Variants in SCUBE1 observed in about 807,000 individuals in gnomAD.
SCUBE1 encodes the protein signal peptide, CUB domain and EGF like domain containing 1.
A neutral mutation model predicts 124.4 loss-of-function variants in SCUBE1; 59 were observed. The ratio of observed to expected loss-of-function variants is 0.47; its 90% CI spans 0.38 to 0.59. SCUBE1 has a LOEUF of 0.59. Ranked by LOEUF, SCUBE1 falls within the 20% of genes least tolerant of loss-of-function variation. The pLI is 0.00. For missense variants in SCUBE1, 1,150 were observed against 1,371.2 expected (o/e 0.84, Z 2.55); for synonymous variants, 545 against 550.9 (o/e 0.99, Z 0.15).
intron 3 of SCUBE1, among the ~76,000 whole-genome samples, chr22:43,301,895 C>T (rs1019607322): frequency 1.2e-4 from 19 of 152,232 alleles, no homozygotes; most frequent in Non-Finnish European, 1.9e-4. Flanking sequence ...GGCTAAAGGC[C>T]GTCCCACCAA....
chr22:43,278,527 G>T (rs1356905843), intron 4 of SCUBE1, among the ~76,000 whole-genome samples: 2 of 152,176 alleles, frequency 1.3e-5, no homozygotes, highest in African/African-American at 2.4e-5. Flanking sequence ...TCAAGGCCTG[G>T]CCCAGATCCT....
intron 6 of SCUBE1, among the ~76,000 whole-genome samples, chr22:43,257,660 C>T (rs1285281137): frequency 6.6e-6 from 1 of 152,160 alleles, no homozygotes; most frequent in African/African-American, 2.4e-5. Context: ...AGTGAAAACA[C>T]CACACCCACG....
At chr22:43,260,802 C>T (rs776128679) in intron 5 of SCUBE1, among the ~76,000 whole-genome samples, 7 of 152,270 alleles carry the variant, frequency 4.6e-5, no homozygotes, top group Non-Finnish European at 7.4e-5. Context: ...CCTTCCCTGG[C>T]GGGGGCAGCT....
chr22:43,300,633 C>T (rs1484845603), intron 3 of SCUBE1, among the ~76,000 whole-genome samples: 1 of 152,052 alleles, frequency 6.6e-6, no homozygotes, highest in African/African-American at 2.4e-5. Flanking sequence ...GATACTAGAC[C>T]CTTACCAGAT....
At chr22:43,204,696 G>A (rs1294122607) in intron 21 of SCUBE1, among the ~76,000 whole-genome samples, 2 of 152,040 alleles carry the variant, frequency 1.3e-5, no homozygotes, top group African/African-American at 2.4e-5. Context: ...TGTAATCCCA[G>A]CACTTTGGGA....
intron 6 of SCUBE1, among the ~76,000 whole-genome samples, chr22:43,253,359 C>T (rs1923531224): frequency 6.6e-6 from 1 of 152,200 alleles, no homozygotes; most frequent in African/African-American, 2.4e-5. Flanking sequence ...TCTCAGAAGC[C>T]CGGGTCTGGT....
chr22:43,257,346 A>G (rs934195624), intron 6 of SCUBE1, among the ~76,000 whole-genome samples: 1 of 152,226 alleles, frequency 6.6e-6, no homozygotes, highest in Non-Finnish European at 1.5e-5. Context: ...TTGGGTTTCT[A>G]AAGTTTGCCT....
intron 4 of SCUBE1, among the ~76,000 whole-genome samples, chr22:43,289,249 A>G (rs898453937): frequency 6.6e-6 from 1 of 152,220 alleles, no homozygotes; most frequent in African/African-American, 2.4e-5. Context: ...TGTCCCCATC[A>G]ATCTGCTTCT....
At chr22:43,227,146 C>T (rs1034957190) in intron 10 of SCUBE1, among the ~76,000 whole-genome samples, 20 of 152,226 alleles carry the variant, frequency 1.3e-4, no homozygotes, top group African/African-American at 4.6e-4. Context: ...GTCCCTGTTG[C>T]AGTGCCTCTG....
At position 43,343,211 on chromosome 22, in the gene SCUBE1, G is replaced by A; in HGVS notation, c.51C>T (p.Gly17=). 1 of 1,214,494 alleles carries A rather than the reference G, an allele frequency of 8.2e-7. No individual in the cohort carries two copies. Among genetic ancestry groups the A allele is most frequent in the African/African-American group, 1.6e-5 (1 of 62,294 alleles). 75.2% of individuals were successfully genotyped at this position (1,214,494 alleles called of 1,614,324 possible). A position where few individuals can be genotyped will look rare whatever the true frequency, so the allele number is the denominator to read the frequency against. ...RWHLCVLLAL[G]TRGRLAGGSG... is the part of the protein sequence containing the mutation. ...TGCCCCCGGCCAGCCGCCCGCGTGTGCCCAGGGCCAGCAGCACGCACAAGT... is the reference window on the plus strand; with the variant it reads ...TGCCCCCGGCCAGCCGCCCGCGTGTACCCAGGGCCAGCAGCACGCACAAGT... The change falls in exon 1 of 22, where the codon GGC becomes GGT. Residue 17 remains glycine (G), a synonymous_variant. Transcript: ENST00000360835.
intron 2 of SCUBE1, among the ~76,000 whole-genome samples, chr22:43,322,928 GGT>G (rs761588749): frequency 7.2e-5 from 11 of 152,308 alleles, no homozygotes; most frequent in Non-Finnish European, 1.0e-4. Context: ...TTTGGAAGTA[GGT>G]GTTTTAACTT....
chr22:43,223,300 T>C, intron 10 of SCUBE1, 84 bp from the exon 11 acceptor site: 3 of 1,442,332 alleles, frequency 2.1e-6, no homozygotes, highest in Non-Finnish European at 2.8e-6. Flanking sequence ...TATGGCCTAA[T>C]GGGGACTCCC....
intron 7 of SCUBE1, chr22:43,238,322 A>C: frequency 1.1e-5 from 2 of 188,870 alleles, no homozygotes; most frequent in Admixed American, 5.9e-5. Context: ...GGATCCCCCT[A>C]GCCTCGCCCC....
At chr22:43,289,756 C>A (rs533540344) in intron 4 of SCUBE1, among the ~76,000 whole-genome samples, 8 of 152,308 alleles carry the variant, frequency 5.3e-5, no homozygotes, top group African/African-American at 1.9e-4. Flanking sequence ...GGCGAGGAAT[C>A]TGGGGAGCAG....
intron 7 of SCUBE1, among the ~76,000 whole-genome samples, chr22:43,236,491 T>C (rs1218844161): frequency 6.6e-6 from 1 of 152,238 alleles, no homozygotes; most frequent in Non-Finnish European, 1.5e-5. Context: ...GTGGCCAGTG[T>C]CAGTTCAAAA....
chr22:43,246,941 G>A (rs1923239407), intron 6 of SCUBE1, among the ~76,000 whole-genome samples: 1 of 149,742 alleles, frequency 6.7e-6, no homozygotes, highest in Admixed American at 6.6e-5. Context: ...TCCCTCTCCA[G>A]AGCTTCAGCC....
Position 43,222,758 on chromosome 22 carries a change from T to G in SCUBE1, c.1328-16A>C. 1 of 1,569,942 alleles carries G rather than the reference T, an allele frequency of 6.4e-7. No homozygotes were observed. The highest frequency in any genetic ancestry group is 8.7e-7 in the Non-Finnish European group (1 of 1,152,656). Reference sequence around the variant, plus strand: ...TTTTCCGAGTCTGCAGAGAAGCCGGTGGGTGAGGTGGGCCTGGTGCTCCTC... The same window carrying G: ...TTTTCCGAGTCTGCAGAGAAGCCGGGGGGTGAGGTGGGCCTGGTGCTCCTC... On this transcript the variant is annotated splice_polypyrimidine_tract_variant and intron_variant, in intron 11 of 21. Transcript: ENST00000360835.
chr22:43,287,564 C>T (rs1925193973), intron 4 of SCUBE1, among the ~76,000 whole-genome samples: 1 of 152,194 alleles, frequency 6.6e-6, no homozygotes, highest in Admixed American at 6.5e-5. Context: ...GTTTCTCAGC[C>T]AGGAGTCTGG....
intron 2 of SCUBE1, among the ~76,000 whole-genome samples, chr22:43,332,561 T>C (rs928127820): frequency 1.3e-5 from 2 of 152,054 alleles, no homozygotes; most frequent in Non-Finnish European, 2.9e-5. Flanking sequence ...CCTTGGCTGG[T>C]GGGGGACGAA....
Sources: gnomAD v4.1 joint callset for allele counts (sites outside exome capture counted in the v4.1 genomes callset) on GRCh38, gnomAD v4.1.1 for gene constraint, MANE v1.5 for transcripts, NCBI Gene and HGNC (gene_info 2026-07-23, HGNC 2026-07-21) for gene names.